Variants in FSHR observed in about 807,000 individuals in gnomAD.
The protein encoded by FSHR is follicle-stimulating hormone receptor.
Under a neutral mutation model 52.1 loss-of-function variants are expected in FSHR, and 46 were observed. That is an observed-to-expected ratio of 0.88 (90% CI 0.70 to 1.13). FSHR has a LOEUF of 1.13. Among genes scored for constraint, FSHR ranks in the 50% most tolerant of loss-of-function variants. FSHR has a pLI of 0.00. For synonymous variants in FSHR, 399 were observed against 309.6 expected (o/e 1.29, Z -3.03); for missense variants, 964 against 834.6 (o/e 1.16, Z -1.91).
chr2:49,103,222 AG>A (rs1342896345), intron 1 of FSHR, among the ~76,000 whole-genome samples: 1 of 152,132 alleles, frequency 6.6e-6, no homozygotes, highest in African/African-American at 2.4e-5. Flanking sequence ...AGGAAATAGG[AG>A]CCCCTGAGGA....
At chr2:48,992,006 A>G (rs1573059739) in intron 4 of FSHR, among the ~76,000 whole-genome samples, 2 of 151,820 alleles carry the variant, frequency 1.3e-5, no homozygotes, top group East Asian at 3.9e-4. Context: ...GTTCTCGGTG[A>G]TGGTTCTCAA....
rs187477941 is a variant in FSHR at position 49,057,665 on chromosome 2, C to G, written c.224+10554G>C. Among the ~76,000 whole-genome samples the G allele has an allele frequency of 2.6e-5, 4 of 152,270 alleles. No individual in the cohort carries two copies. In the East Asian group the frequency reaches 7.7e-4, roughly 29 times the overall value. Reference sequence around the variant, plus strand: ...AAAATTGAAGCAGAAGGAACTCTTTCTAACTCATTCTCATAGGCCAGCATT... The same window carrying G: ...AAAATTGAAGCAGAAGGAACTCTTTGTAACTCATTCTCATAGGCCAGCATT... On this transcript the variant is annotated intron_variant, in intron 2 of 9. Coordinates refer to ENST00000406846, the MANE Select transcript of FSHR (RefSeq NM_000145.4).
intron 8 of FSHR, among the ~76,000 whole-genome samples, chr2:48,972,925 T>C (rs561300359): frequency 6.6e-6 from 1 of 152,196 alleles, no homozygotes; most frequent in Non-Finnish European, 1.5e-5. Context: ...CCATGGAATA[T>C]CATCCCATTA....
intron 2 of FSHR, among the ~76,000 whole-genome samples, chr2:49,035,960 T>A (rs17038097): frequency 0.046 from 7,080 of 152,286 alleles, 534 homozygotes; most frequent in East Asian, 0.23. Context: ...TTAGCAAGTT[T>A]AAGCATGTAG....
intron 2 of FSHR, among the ~76,000 whole-genome samples, chr2:49,026,354 T>C (rs1244603159): frequency 3.3e-5 from 5 of 152,236 alleles, no homozygotes; most frequent in Admixed American, 3.3e-4. Flanking sequence ...ACAGTCATAA[T>C]AGCTAACGTT....
intron 1 of FSHR, among the ~76,000 whole-genome samples, chr2:49,140,317 C>T (rs1223215416): frequency 6.6e-6 from 1 of 151,864 alleles, no homozygotes; most frequent in Non-Finnish European, 1.5e-5. Context: ...CGCACCACCC[C>T]CCACCCATTC....
intron 2 of FSHR, among the ~76,000 whole-genome samples, chr2:49,061,215 C>G (rs1044139071): frequency 2.0e-5 from 3 of 152,082 alleles, no homozygotes; most frequent in Admixed American, 1.3e-4. Context: ...CCTCAAGACC[C>G]AGGTGCCATA....
chr2:49,088,941 G>A (rs1032518124), intron 1 of FSHR, among the ~76,000 whole-genome samples: 1 of 152,102 alleles, frequency 6.6e-6, no homozygotes, highest in Non-Finnish European at 1.5e-5. Context: ...TATGCATTGA[G>A]TAATTATATT....
intron 1 of FSHR, among the ~76,000 whole-genome samples, chr2:49,147,333 A>G (rs1672905253): frequency 6.6e-6 from 1 of 152,076 alleles, no homozygotes; most frequent in South Asian, 2.1e-4. Context: ...TCTAAATCTA[A>G]GCGCCTAAAG....
intron 2 of FSHR, among the ~76,000 whole-genome samples, chr2:49,058,669 GA>G (rs202057680): frequency 5.2e-4 from 77 of 149,006 alleles, no homozygotes; most frequent in African/African-American, 1.6e-3. Flanking sequence ...TAAACTACCT[GA>G]AAAAAAAATA....
At chr2:48,994,086 A>G (rs896593697) in intron 4 of FSHR, among the ~76,000 whole-genome samples, 3 of 152,170 alleles carry the variant, frequency 2.0e-5, no homozygotes, top group Non-Finnish European at 4.4e-5. Flanking sequence ...TTGGCACAGT[A>G]GTTGACGCAT....
intron 4 of FSHR, among the ~76,000 whole-genome samples, chr2:49,004,680 T>A (rs1490234633): frequency 6.6e-6 from 1 of 152,156 alleles, no homozygotes; most frequent in African/African-American, 2.4e-5. Context: ...AGTACATCAC[T>A]GGCTGATGGG....
intron 4 of FSHR, 60 bp downstream of exon 4, chr2:49,017,429 A>G (rs1667526938): frequency 1.5e-6 from 2 of 1,304,438 alleles, no homozygotes; most frequent in South Asian, 1.2e-5. Flanking sequence ...TAGGCCTTTT[A>G]GTAAAATAGG....
At chr2:49,083,650 C>T (rs1165810080) in intron 1 of FSHR, among the ~76,000 whole-genome samples, 1 of 150,170 alleles carries the variant, frequency 6.7e-6, no homozygotes, top group East Asian at 2.0e-4. Context: ...ATGGAGGAAG[C>T]TCTACCAAGC....
chr2:49,045,554 G>A (rs1572674194), intron 2 of FSHR, among the ~76,000 whole-genome samples: 1 of 151,748 alleles, frequency 6.6e-6, no homozygotes, highest in East Asian at 1.9e-4. Flanking sequence ...GGCAGACAGA[G>A]GTAGGCAAAA....
At chr2:49,116,852 G>A (rs1671616561) in intron 1 of FSHR, among the ~76,000 whole-genome samples, 2 of 152,120 alleles carry the variant, frequency 1.3e-5, no homozygotes, top group African/African-American at 2.4e-5. Context: ...CCAACATTCT[G>A]CTTTGTTGGC....
chr2:49,078,296 T>C (rs1399483555), intron 1 of FSHR, among the ~76,000 whole-genome samples: 3 of 152,142 alleles, frequency 2.0e-5, no homozygotes, highest in Non-Finnish European at 1.5e-5. Flanking sequence ...AACCATCCGA[T>C]CTCGTGAGAC....
intron 2 of FSHR, among the ~76,000 whole-genome samples, chr2:49,028,508 G>GT (rs566619798): frequency 6.6e-6 from 1 of 152,182 alleles, no homozygotes; most frequent in Non-Finnish European, 1.5e-5. Context: ...ACCTGTTAGG[G>GT]TTTTTGTGAG....
At chr2:49,129,857 T>A (rs1672202787) in intron 1 of FSHR, among the ~76,000 whole-genome samples, 1 of 152,202 alleles carries the variant, frequency 6.6e-6, no homozygotes, top group Non-Finnish European at 1.5e-5. Context: ...TTCAGGAAAC[T>A]TAGAGTTGTA....
Sources: gnomAD v4.1 joint callset for allele counts (sites outside exome capture counted in the v4.1 genomes callset) on GRCh38, gnomAD v4.1.1 for gene constraint, MANE v1.5 for transcripts, NCBI Gene and HGNC (gene_info 2026-07-23, HGNC 2026-07-21) for gene names.